Variants in SEM1 observed in about 807,000 individuals in gnomAD.
SEM1 encodes 26S proteasome complex subunit SEM1.
In SEM1, 3 loss-of-function variants were observed where a neutral mutation model predicts 12.7. That is an observed-to-expected ratio of 0.24 (90% CI 0.11 to 0.61). The LOEUF (loss-of-function observed/expected upper bound fraction) is 0.61. Ranked by LOEUF, SEM1 falls within the 20% of genes least tolerant of loss-of-function variation. SEM1 has a pLI of 0.88. For synonymous variants in SEM1, 30 were observed against 27.8 expected (o/e 1.08, Z -0.25); for missense variants, 59 against 81.3 (o/e 0.73, Z 1.06).
upstream of SEM1, among the ~76,000 whole-genome samples, chr7:96,497,595 A>C (rs1048220092): frequency 2.6e-5 from 4 of 152,186 alleles, no homozygotes; most frequent in African/African-American, 9.7e-5. Flanking sequence ...GCTTTCAGAT[A>C]TAATAATAGC....
chr7:96,676,235 G>A (rs529533946), intron 2 of SEM1, among the ~76,000 whole-genome samples: 1 of 152,306 alleles, frequency 6.6e-6, no homozygotes, highest in East Asian at 1.9e-4. Context: ...AAGACCTGGA[G>A]ATTAAGTCAT....
At chr7:96,558,620 G>T (rs1805602974) in intron 2 of SEM1, among the ~76,000 whole-genome samples, 1 of 152,206 alleles carries the variant, frequency 6.6e-6, no homozygotes, top group African/African-American at 2.4e-5. Context: ...AGCAAGGAGA[G>T]AGGGAGTTCA....
At chr7:96,491,205 ATTC>A (rs1021962320) in intron 1 of SEM1, among the ~76,000 whole-genome samples, 11 of 152,302 alleles carry the variant, frequency 7.2e-5, no homozygotes, top group Middle Eastern at 3.4e-3. Flanking sequence ...GATAAAAAAA[ATTC>A]TTCTTATATT....
chr7:96,606,229 C>T (rs1807374077), intron 2 of SEM1, among the ~76,000 whole-genome samples: 1 of 152,204 alleles, frequency 6.6e-6, no homozygotes, highest in Non-Finnish European at 1.5e-5. Flanking sequence ...CATTTGCAGG[C>T]ATCCACTGGG....
At chr7:96,624,620 C>T (rs139532358) in intron 2 of SEM1, among the ~76,000 whole-genome samples, 1,673 of 152,244 alleles carry the variant, frequency 0.011, 11 homozygotes, top group Middle Eastern at 0.027. Context: ...ATTGAAAGGA[C>T]CTGATAAATA....
In SEM1 at chr7:96,709,846, T is replaced by C. The variant is rs1367203649; in HGVS notation, c.-83A>G. 7.0e-6 allele frequency: 9 copies of C among 1,281,134 alleles called. No individual in the cohort carries two copies. The highest frequency in any genetic ancestry group is 1.0e-5 in the Non-Finnish European group (9 of 884,886). The allele number at this position is 1,281,134 out of a possible 1,614,324, so 79.4% of individuals were successfully genotyped here. ...TTCCTCAAGGAAACGCCACCGTCAC[T>C]ACCGCCTCCGACGCTGACGCTACCA... On this transcript the variant is annotated 5_prime_UTR_variant, in exon 1 of 3. Transcript: ENST00000248566.
chr7:96,490,510 C>T (rs1292787703), intron 1 of SEM1, among the ~76,000 whole-genome samples: 1 of 152,150 alleles, frequency 6.6e-6, no homozygotes, highest in African/African-American at 2.4e-5. Flanking sequence ...ACTTAACTGC[C>T]TCCCTAGAGT....
intron 2 of SEM1, among the ~76,000 whole-genome samples, chr7:96,624,731 T>C (rs546049951): frequency 1.3e-5 from 2 of 152,172 alleles, no homozygotes; most frequent in African/African-American, 4.8e-5. Context: ...CACAGGGGAT[T>C]CCCAGTTTGT....
At chr7:96,515,064 C>G (rs895149240) in intron 2 of SEM1, among the ~76,000 whole-genome samples, 2 of 152,060 alleles carry the variant, frequency 1.3e-5, no homozygotes, top group African/African-American at 4.8e-5. Context: ...TGGAAAAGAG[C>G]AGAGAGCCCA....
At chr7:96,494,699 A>G (rs1803169569) in intron 1 of SEM1, among the ~76,000 whole-genome samples, 1 of 152,108 alleles carries the variant, frequency 6.6e-6, no homozygotes, top group Non-Finnish European at 1.5e-5. Context: ...ACAAAAACTC[A>G]GAGAGATAAT....
chr7:96,577,859 G>A (rs1806256018), intron 2 of SEM1, among the ~76,000 whole-genome samples: 2 of 149,860 alleles, frequency 1.3e-5, no homozygotes, highest in Non-Finnish European at 1.5e-5. Flanking sequence ...TAGAATGAAA[G>A]GAAAAAAAAA....
intron 2 of SEM1, among the ~76,000 whole-genome samples, chr7:96,663,282 G>A (rs536962818): frequency 7.9e-5 from 12 of 152,112 alleles, no homozygotes; most frequent in Non-Finnish European, 1.8e-4. Context: ...ATTTCCATAA[G>A]AAGAAATAAA....
chr7:96,662,520 G>C (rs1789038546), intron 2 of SEM1, among the ~76,000 whole-genome samples: 1 of 152,086 alleles, frequency 6.6e-6, no homozygotes, highest in Admixed American at 6.6e-5. Flanking sequence ...GGCCTGTCAG[G>C]GGGTGGGAGG....
intron 2 of SEM1, among the ~76,000 whole-genome samples, chr7:96,683,162 T>C (rs529426940): frequency 7.2e-5 from 11 of 151,734 alleles, no homozygotes; most frequent in South Asian, 4.2e-4. Context: ...CTCAAGGATA[T>C]AGAACTAGAA....
intron 2 of SEM1, among the ~76,000 whole-genome samples, chr7:96,614,423 G>A (rs1807639165): frequency 6.6e-6 from 1 of 152,170 alleles, no homozygotes; most frequent in African/African-American, 2.4e-5. Flanking sequence ...GTAGAACCAG[G>A]TCCTAAATTA....
At chr7:96,524,879 C>G (rs1286171163) in intron 2 of SEM1, among the ~76,000 whole-genome samples, 1 of 152,126 alleles carries the variant, frequency 6.6e-6, no homozygotes, top group African/African-American at 2.4e-5. Context: ...TTGTTCGAAG[C>G]ATACTTAAAA....
intron 1 of SEM1, among the ~76,000 whole-genome samples, chr7:96,489,383 G>A (rs1286153778): frequency 6.6e-6 from 1 of 152,130 alleles, no homozygotes; most frequent in East Asian, 1.9e-4. Context: ...TGGGAAGCCT[G>A]TGTGGGGCCA....
At chr7:96,635,571 G>A (rs940276269) in intron 2 of SEM1, among the ~76,000 whole-genome samples, 1 of 152,144 alleles carries the variant, frequency 6.6e-6, no homozygotes, top group Non-Finnish European at 1.5e-5. Context: ...GCAGACAGAA[G>A]GAAGTAGTTC....
chr7:96,626,043 T>C (rs1808052429), intron 2 of SEM1, among the ~76,000 whole-genome samples: 1 of 152,178 alleles, frequency 6.6e-6, no homozygotes, highest in African/African-American at 2.4e-5. Flanking sequence ...TTTCAGTTAT[T>C]TTAAAATGTA....
Sources: gnomAD v4.1 joint callset for allele counts (sites outside exome capture counted in the v4.1 genomes callset) on GRCh38, gnomAD v4.1.1 for gene constraint, MANE v1.5 for transcripts, NCBI Gene and HGNC (gene_info 2026-07-23, HGNC 2026-07-21) for gene names.